The following CDC25A variants were observed in gnomAD, a reference collection of about 807,000 sequenced individuals.
The protein encoded by CDC25A is M-phase inducer phosphatase 1.
Under a neutral mutation model 64.6 loss-of-function variants are expected in CDC25A, and 17 were observed. That is an observed-to-expected ratio of 0.26 (90% confidence interval 0.18 to 0.39). CDC25A has a LOEUF of 0.39. Ranked by LOEUF, CDC25A falls within the 10% of genes least tolerant of loss-of-function variation. The pLI, the probability that CDC25A is intolerant of heterozygous loss-of-function variation, is 1.00. For synonymous variants in CDC25A, 229 were observed against 238.6 expected (o/e 0.96, Z 0.37); for missense variants, 473 against 654.8 (o/e 0.72, Z 3.03).
Position 48,188,070 on chromosome 3 carries a change from G to T in CDC25A, c.-123C>A, listed in dbSNP as rs554388171. ...GCGCCCGCGGGTCAAACACAAACACGACTCCGCGGTTCAGGGACGCGGCTG... is the reference window on the plus strand; with the variant it reads ...GCGCCCGCGGGTCAAACACAAACACTACTCCGCGGTTCAGGGACGCGGCTG... On this transcript the variant is annotated 5_prime_UTR_variant, in exon 1 of 15. Coordinates refer to ENST00000302506, the MANE Select transcript of CDC25A (RefSeq NM_001789.3). 1.3e-6 allele frequency: 1 copy of T among 777,400 alleles called. No homozygotes were observed. Among genetic ancestry groups the T allele is most frequent in the Non-Finnish European group, 1.7e-6 (1 of 573,190 alleles). 48.2% of individuals were successfully genotyped at this position (777,400 alleles called of 1,614,324 possible).
chr3:48,161,151 CAAAAAAAAAAA>C (rs780264649), intron 13 of CDC25A: 1 of 46,692 alleles, frequency 2.1e-5, no homozygotes, highest in Non-Finnish European at 4.1e-5. Context: ...GATTCCAACT[CAAAAAAAAAAA>C]AAAAAAAAAA....
At position 48,165,843 on chromosome 3, in the gene CDC25A, G is replaced by A; in HGVS notation, c.1080C>T (p.Ile360=). 1 of 1,609,206 alleles carries A rather than the reference G, an allele frequency of 6.2e-7. No homozygotes were observed. Residue 360 remains isoleucine (I), a synonymous_variant, in exon 11 of 15, where the codon ATC becomes ATT. Transcript: ENST00000302506. ...VAGKHQDLKY[I]SPEIMASVLN... ...AGGATGGACTTACAATTTCTGGAGA[G>A]ATGTATTTTAAATCCTGATGTTTCC...
At chr3:48,165,436 C>G (rs948888841) in intron 12 of CDC25A, among the ~76,000 whole-genome samples, 200 bp downstream of exon 12, 31 of 151,992 alleles carry the variant, frequency 2.0e-4, no homozygotes, top group African/African-American at 6.5e-4. Context: ...TAACTGTGCA[C>G]AAGGTGGTAG....
chr3:48,179,809 T>C (rs572342260), intron 6 of CDC25A, among the ~76,000 whole-genome samples: 24 of 152,286 alleles, frequency 1.6e-4, no homozygotes, highest in African/African-American at 5.5e-4. Context: ...TTTGTGCAAA[T>C]GATAGACAGA....
Position 48,177,422 on chromosome 3 carries a change from C to G in CDC25A, c.705G>C (p.Ser235=), listed in dbSNP as rs145991453. The change falls in exon 8 of 15, where the codon TCG becomes TCC. Residue 235 remains serine, a synonymous_variant. Transcript: ENST00000302506. ...ENLKNEEETP[S]CMASLWTAPL... ...GAGCTGTCCAGAGGCTTGCCATGCA[C>G]GAGGGGGTCTCCTCCTCATTCTAAA... 1.1e-3 allele frequency: 1,833 copies of G among 1,613,646 alleles called. 7 individuals are homozygous for G. The highest frequency in any genetic ancestry group is 3.1e-3 in the South Asian group (286 of 91,068).
intron 1 of CDC25A, among the ~76,000 whole-genome samples, chr3:48,187,558 AG>A (rs2032889067): frequency 6.6e-6 from 1 of 152,242 alleles, no homozygotes. Context: ...CTTAGGCCCA[AG>A]GATCTCCACC....
rs1351264693 is a variant in CDC25A at position 48,158,827 on chromosome 3, C to A, written c.*118G>T. 2.2e-5 allele frequency: 29 copies of A among 1,298,426 alleles called. No individual in the cohort carries two copies. The highest frequency in any genetic ancestry group is 3.0e-5 in the Non-Finnish European group (28 of 939,266). 80.4% of individuals were successfully genotyped at this position (1,298,426 alleles called of 1,614,324 possible). On this transcript the variant is annotated 3_prime_UTR_variant, in exon 15 of 15. Coordinates refer to ENST00000302506, the MANE Select transcript of CDC25A (RefSeq NM_001789.3). ...GGAGGTAGGTTTAAGGCATGGAAGT[C>A]CCAGGCCCCCTCTCCAAATGTCACA... is the stretch of plus-strand genomic sequence containing the variant.
rs769205426 is a variant in CDC25A at position 48,159,446 on chromosome 3, A to G, written c.1332T>C (p.Tyr444=). 2 of 1,613,094 alleles carry G rather than the reference A, an allele frequency of 1.2e-6. No homozygotes were observed. The highest frequency in any genetic ancestry group is 1.1e-5 in the South Asian group (1 of 91,058). ...TACCCAGGCGATCTCTCTCTCTCAC[A>G]TACCGGCACCTAGTCAGGGGAAGGA... The part of the protein sequence containing the change: ...SSERGPRMCR[Y]VRERDRLGNE... The change falls in exon 14 of 15, where the codon TAT becomes TAC. Residue 444 remains tyrosine, a synonymous_variant. Coordinates refer to ENST00000302506, the MANE Select transcript of CDC25A (RefSeq NM_001789.3).
intron 9 of CDC25A, among the ~76,000 whole-genome samples, chr3:48,170,726 C>G (rs891344100): frequency 6.6e-6 from 1 of 152,194 alleles, no homozygotes; most frequent in Non-Finnish European, 1.5e-5. Context: ...GTTCCAACCT[C>G]TAATCATGTC....
chr3:48,184,302 C>T (rs1157670587), intron 3 of CDC25A, among the ~76,000 whole-genome samples: 1 of 152,010 alleles, frequency 6.6e-6, no homozygotes, highest in African/African-American at 2.4e-5. Context: ...GTGGAGGTTG[C>T]AGTGAGCCAC....
At chr3:48,181,783 T>C in intron 5 of CDC25A, 2 of 537,240 alleles carry the variant, frequency 3.7e-6, no homozygotes, top group South Asian at 2.7e-5. Context: ...AATAAAACCA[T>C]GAAGAATCAA....
intron 4 of CDC25A, among the ~76,000 whole-genome samples, chr3:48,183,279 G>T (rs574000950): frequency 2.0e-5 from 3 of 152,098 alleles, no homozygotes; most frequent in Admixed American, 6.5e-5. Flanking sequence ...CCTCAACAGG[G>T]ATTACAGTGC....
chr3:48,164,350 C>T lies in CDC25A; in HGVS notation c.1279G>A (p.Val427Ile). 1.2e-6 allele frequency: 2 copies of T among 1,602,642 alleles called. No individual in the cohort carries two copies. The highest frequency in any genetic ancestry group is 4.5e-5 in the East Asian group (2 of 43,964). Residue 427 changes from valine (V) to isoleucine (I), a missense_variant, in exon 13 of 15, where the codon GTT becomes ATT. By Grantham distance (29) the Val-to-Ile change is conservative. Transcript: ENST00000302506. ...GAAGAAAACTCGCAGTGAAACACAA[C>T]AATGACACGCTTGCCATCAGTAGGT... ...IVPTDGKRVI[V>I]VFHCEFSSER...
Position 48,158,935 on chromosome 3 carries a change from C to T in CDC25A, c.*10G>A. 2 of 1,613,860 alleles carry T rather than the reference C, an allele frequency of 1.2e-6. No homozygotes were observed. The highest frequency in any genetic ancestry group is 2.2e-5 in the South Asian group (2 of 91,050). ...GAAGCTTGGGCTGCTGCTGGCTGGT[C>T]CTGCCGCCCTCAGAGCTTCTTCAGA... On this transcript the variant is annotated 3_prime_UTR_variant, in exon 15 of 15. Coordinates refer to ENST00000302506, the MANE Select transcript of CDC25A (RefSeq NM_001789.3).
At chr3:48,171,316 G>A (rs560135326) in intron 9 of CDC25A, among the ~76,000 whole-genome samples, 12 of 151,834 alleles carry the variant, frequency 7.9e-5, no homozygotes, top group Admixed American at 2.0e-4. Flanking sequence ...GGAGGTTGCC[G>A]TGAGCCAAGA....
chr3:48,172,724 T>A (rs925996002), intron 9 of CDC25A, among the ~76,000 whole-genome samples: 2 of 152,002 alleles, frequency 1.3e-5, no homozygotes, highest in Admixed American at 6.6e-5. Flanking sequence ...ATTAGCTGGG[T>A]TTGGTGGCAC....
At chr3:48,174,155 A>C (rs1290301837) in intron 9 of CDC25A, 129 bp downstream of exon 9, 2 of 806,428 alleles carry the variant, frequency 2.5e-6, no homozygotes, top group East Asian at 2.6e-5. Context: ...ACACACCCAC[A>C]CACACACACA....
intron 9 of CDC25A, among the ~76,000 whole-genome samples, chr3:48,173,393 A>G (rs2032339456): frequency 6.6e-6 from 1 of 152,224 alleles, no homozygotes; most frequent in South Asian, 2.1e-4. Context: ...TTATCCAGAA[A>G]TAAGAAAATT....
chr3:48,173,368 T>A (rs1299706269), intron 9 of CDC25A, among the ~76,000 whole-genome samples: 1 of 152,266 alleles, frequency 6.6e-6, no homozygotes, highest in African/African-American at 2.4e-5. Flanking sequence ...GGGAAATTCA[T>A]AGATTCAAAT....
Sources: gnomAD v4.1 joint callset for allele counts (sites outside exome capture counted in the v4.1 genomes callset) on GRCh38, gnomAD v4.1.1 for gene constraint, MANE v1.5 for transcripts, NCBI Gene and HGNC (gene_info 2026-07-23, HGNC 2026-07-21) for gene names.